RPS6KC1: variants seen among roughly 807,000 people sequenced by gnomAD.
RPS6KC1 encodes ribosomal protein S6 kinase C1.
In RPS6KC1, 54 loss-of-function variants were observed where a neutral mutation model predicts 103.8. The observed-to-expected ratio is 0.52, with a 90% confidence interval of 0.42 to 0.65. The LOEUF (loss-of-function observed/expected upper bound fraction) is 0.65, where lower values mean the gene tolerates loss of function less well. RPS6KC1 is among the 30% of genes least tolerant of loss of function. RPS6KC1 has a pLI of 0.00. For missense variants in RPS6KC1, 1,151 were observed against 1,253.8 expected (o/e 0.92, Z 1.24); for synonymous variants, 439 against 438.7 (o/e 1.00, Z -0.01).
the RPS6KC1 span, among the ~76,000 whole-genome samples, chr1:213,791,391 C>T: frequency 6.6e-6 from 1 of 151,996 alleles, no homozygotes; most frequent in Non-Finnish European, 1.5e-5. Flanking sequence ...CAGACACCAA[C>T]AAAACATTAG....
At chr1:213,737,875 T>C in the RPS6KC1 span, among the ~76,000 whole-genome samples, 9 of 152,342 alleles carry the variant, frequency 5.9e-5, no homozygotes, top group African/African-American at 2.4e-5. Flanking sequence ...ACAGTCTAGG[T>C]TGGCTGATAA....
At chr1:213,097,545 T>G (rs2081580332) in intron 3 of RPS6KC1, among the ~76,000 whole-genome samples, 2 of 152,206 alleles carry the variant, frequency 1.3e-5, no homozygotes, top group African/African-American at 4.8e-5. Flanking sequence ...AAGCATTGGC[T>G]TCAACTTAAA....
At chr1:213,466,014 G>A in the RPS6KC1 span, among the ~76,000 whole-genome samples, 1 of 152,162 alleles carries the variant, frequency 6.6e-6, no homozygotes, top group South Asian at 2.1e-4. Flanking sequence ...CAGGCTTTGG[G>A]GGGCAGAATG....
chr1:213,253,654 G>A (rs2094583187), intron 12 of RPS6KC1, among the ~76,000 whole-genome samples: 1 of 152,076 alleles, frequency 6.6e-6, no homozygotes, highest in Admixed American at 6.5e-5. Flanking sequence ...ATCTTAAAAG[G>A]CAAGGCCTGT....
At position 213,268,407 on chromosome 1, in the gene RPS6KC1, A is replaced by T. The variant is rs80330894; in HGVS notation, c.3091-4117A>T. Among the ~76,000 whole-genome samples the T allele has an allele frequency of 9.2e-3, 1,399 of 152,116 alleles. 44 individuals are homozygous for T. Among genetic ancestry groups the T allele is most frequent in the East Asian group, 0.07 (365 of 5,184 alleles). On this transcript the variant is annotated intron_variant, in intron 14 of 14. Coordinates refer to ENST00000366960, the MANE Select transcript of RPS6KC1 (RefSeq NM_012424.6). Reference sequence around the variant, plus strand: ...GATTTATTGCTAGCAGAACTGCCTTACAAGAAATACCACAGGAATTCCTTC... The same window carrying T: ...GATTTATTGCTAGCAGAACTGCCTTTCAAGAAATACCACAGGAATTCCTTC...
chr1:213,089,526 A>G (rs1334109708), intron 3 of RPS6KC1, among the ~76,000 whole-genome samples: 4 of 151,384 alleles, frequency 2.6e-5, no homozygotes, highest in Non-Finnish European at 5.9e-5. Context: ...CAGTGGTGCA[A>G]TCTTGGCTCA....
the RPS6KC1 span, among the ~76,000 whole-genome samples, chr1:213,419,233 C>G: frequency 6.6e-6 from 1 of 152,220 alleles, no homozygotes; most frequent in Non-Finnish European, 1.5e-5. Context: ...AGAGTGCTCT[C>G]CCTCAGCCAG....
chr1:213,440,593 TA>T, the RPS6KC1 span, among the ~76,000 whole-genome samples: 1,334 of 100,386 alleles, frequency 0.013, 10 homozygotes, highest in African/African-American at 0.038. Context: ...TTAATGGAAC[TA>T]AAAAAAAAAA....
chr1:213,598,939 C>CA, the RPS6KC1 span, among the ~76,000 whole-genome samples: 1 of 151,996 alleles, frequency 6.6e-6, no homozygotes, highest in South Asian at 2.1e-4. Flanking sequence ...CAAAACAAAA[C>CA]CAAAAAAACT....
the RPS6KC1 span, among the ~76,000 whole-genome samples, chr1:213,389,722 G>A: frequency 7.9e-5 from 12 of 152,228 alleles, no homozygotes; most frequent in African/African-American, 2.4e-4. Context: ...AAAATCTCAC[G>A]GAAATGCTGC....
At chr1:213,289,003 G>A in the RPS6KC1 span, among the ~76,000 whole-genome samples, 1 of 152,042 alleles carries the variant, frequency 6.6e-6, no homozygotes, top group Non-Finnish European at 1.5e-5. Flanking sequence ...TGCTGCTTCA[G>A]GTTTCCGAAG....
At chr1:213,410,906 T>A in the RPS6KC1 span, among the ~76,000 whole-genome samples, 1 of 151,618 alleles carries the variant, frequency 6.6e-6, no homozygotes, top group South Asian at 2.1e-4. Context: ...AGACTGAAGA[T>A]GTTGAAAAGA....
the RPS6KC1 span, among the ~76,000 whole-genome samples, chr1:213,777,255 T>C: frequency 6.6e-6 from 1 of 152,218 alleles, no homozygotes; most frequent in Non-Finnish European, 1.5e-5. Context: ...TTGGCCTGCC[T>C]TCCCCACTAA....
At chr1:213,638,099 G>A in the RPS6KC1 span, among the ~76,000 whole-genome samples, 2 of 152,052 alleles carry the variant, frequency 1.3e-5, no homozygotes, top group Non-Finnish European at 2.9e-5. Flanking sequence ...AATTACAGGT[G>A]TGAGCCACTG....
chr1:213,718,194 A>C, the RPS6KC1 span, among the ~76,000 whole-genome samples: 10 of 152,200 alleles, frequency 6.6e-5, no homozygotes, highest in Admixed American at 2.6e-4. Context: ...GACTTTTGTA[A>C]AGGCCTTTGG....
the RPS6KC1 span, among the ~76,000 whole-genome samples, chr1:213,394,099 C>A: frequency 6.6e-6 from 1 of 152,060 alleles, no homozygotes; most frequent in Non-Finnish European, 1.5e-5. Flanking sequence ...GCTGGGTGAC[C>A]TCATGGCAGC....
intron 4 of RPS6KC1, 117 bp from the exon 5 acceptor site, chr1:213,117,200 G>T: frequency 5.2e-6 from 3 of 575,742 alleles, no homozygotes; most frequent in Admixed American, 3.3e-5. Context: ...TAGTTTAATA[G>T]ATTAGTATAG....
chr1:213,759,768 C>G, the RPS6KC1 span, among the ~76,000 whole-genome samples: 15 of 152,204 alleles, frequency 9.9e-5, no homozygotes, highest in Non-Finnish European at 2.1e-4. Context: ...CAGGGATTTC[C>G]CCTAAGGTAC....
chr1:213,172,849 C>T (rs554712187), intron 7 of RPS6KC1, among the ~76,000 whole-genome samples: 1 of 152,278 alleles, frequency 6.6e-6, no homozygotes, highest in South Asian at 2.1e-4. Flanking sequence ...CATTCTTTGC[C>T]TCTCTTAGCA....
Sources: gnomAD v4.1 joint callset for allele counts (sites outside exome capture counted in the v4.1 genomes callset) on GRCh38, gnomAD v4.1.1 for gene constraint, MANE v1.5 for transcripts, NCBI Gene and HGNC (gene_info 2026-07-23, HGNC 2026-07-21) for gene names.